Variants in SNX18 observed in about 807,000 individuals in gnomAD.
The protein encoded by SNX18 is sorting nexin 18, also known as sorting nexin-18.
In SNX18, 35 loss-of-function variants were observed where a neutral mutation model predicts 48.7. That is an observed-to-expected ratio of 0.72 (90% CI 0.55 to 0.95). SNX18 has a LOEUF of 0.95. Ranked by LOEUF, SNX18 falls within the 40% of genes least tolerant of loss-of-function variation. The probability of loss-of-function intolerance (pLI) is 0.00; values close to 1 mark genes in which losing one functional copy is unlikely to be tolerated. For synonymous variants in SNX18, 492 were observed against 384.7 expected, an observed-to-expected ratio of 1.28 and a Z score of -3.26; for missense variants, 824 against 871.0, an observed-to-expected ratio of 0.95 and a Z score of 0.68.
chr5:54,627,070 G>A, the SNX18 span, among the ~76,000 whole-genome samples: 1 of 152,324 alleles, frequency 6.6e-6, no homozygotes, highest in Non-Finnish European at 1.5e-5. Flanking sequence ...TTCTCATAGA[G>A]CAATGTCCAT....
chr5:54,522,361 T>C (rs1277863802), intron 1 of SNX18, among the ~76,000 whole-genome samples: 1 of 152,150 alleles, frequency 6.6e-6, no homozygotes, highest in East Asian at 1.9e-4. Flanking sequence ...TGAATATTGG[T>C]CAACAGAAAT....
chr5:54,588,306 C>CTTTTTTTTTTTT, the SNX18 span, among the ~76,000 whole-genome samples: 58 of 73,904 alleles, frequency 7.8e-4, 5 homozygotes, highest in East Asian at 2.0e-3. Flanking sequence ...TATTTCTATT[C>CTTTTTTTTTTTT]TTTTTTTTTT....
chr5:54,528,297 G>A (rs1193562791), intron 1 of SNX18, among the ~76,000 whole-genome samples: 1 of 152,190 alleles, frequency 6.6e-6, no homozygotes, highest in East Asian at 1.9e-4. Flanking sequence ...CTGAGCTCAT[G>A]TGTAGAGCAG....
chr5:54,532,108 A>T (rs2112848523), intron 1 of SNX18, among the ~76,000 whole-genome samples: 1 of 151,990 alleles, frequency 6.6e-6, no homozygotes, highest in Admixed American at 6.5e-5. Flanking sequence ...ATCTAGAGGG[A>T]CTTCTGTTTA....
At chr5:54,610,654 G>A in the SNX18 span, among the ~76,000 whole-genome samples, 1 of 152,194 alleles carries the variant, frequency 6.6e-6, no homozygotes, top group African/African-American at 2.4e-5. Context: ...TTATTTGTTG[G>A]AGTGTGTTAA....
At chr5:54,643,043 C>CT in the SNX18 span, among the ~76,000 whole-genome samples, 1 of 152,142 alleles carries the variant, frequency 6.6e-6, no homozygotes, top group Non-Finnish European at 1.5e-5. Flanking sequence ...CTGCCAGTCT[C>CT]ATGATCTCTA....
rs773786121 is a variant in SNX18 at position 54,518,600 on chromosome 5, G to A, written c.648G>A (p.Pro216=). 8 of 1,577,034 alleles carry A rather than the reference G, an allele frequency of 5.1e-6. No homozygotes were observed. In the South Asian group the frequency reaches 5.9e-5, roughly 12 times the overall value. Residue 216 remains proline, a synonymous_variant, in exon 1 of 2, where the codon CCG becomes CCA. Transcript: ENST00000381410. ...GCTCGGTCCCCCCGCAGCACCACCC[G>A]TCGGGGCCCAAGAGCTCGGCCACCG... is the stretch of plus-strand genomic sequence containing the variant. ...RGGSVPPQHH[P]SGPKSSATVS...
In SNX18 at chr5:54,518,581, T is replaced by TC. The variant is rs1425166868; in HGVS notation, c.635dup (p.Gln213AlafsTer139). The TC allele has an allele frequency of 1.9e-6, 3 of 1,579,610 alleles. No individual in the cohort carries two copies. The highest frequency in any genetic ancestry group is 1.7e-6 in the Non-Finnish European group (2 of 1,163,712). ...TCCCTGGGTTCCCGCGGCGGCTCGGTCCCCCCGCAGCACCACCCGTCGGGG... is the reference window on the plus strand; with the variant it reads ...TCCCTGGGTTCCCGCGGCGGCTCGGTCCCCCCCGCAGCACCACCCGTCGGGG... On this transcript the variant is annotated frameshift_variant, in exon 1 of 2. Transcript: ENST00000381410. LOFTEE classifies it high-confidence loss of function.
At chr5:54,635,091 A>G in the SNX18 span, among the ~76,000 whole-genome samples, 34 of 151,866 alleles carry the variant, frequency 2.2e-4, no homozygotes, top group African/African-American at 8.0e-4. Context: ...CTAAGAATAC[A>G]TATTTCAAAA....
chr5:54,579,847 A>G, the SNX18 span, among the ~76,000 whole-genome samples: 5 of 152,354 alleles, frequency 3.3e-5, no homozygotes, highest in South Asian at 2.1e-4. Flanking sequence ...CTCCTTCTCA[A>G]GTTCTCAAGA....
rs1290931800 is a variant in SNX18, at chr5:54,518,223, G to A, written c.271G>A (p.Val91Ile). The A allele has an allele frequency of 7.1e-7, 1 of 1,405,550 alleles. No homozygotes were observed. 87.1% of individuals were successfully genotyped at this position (1,405,550 alleles called of 1,614,324 possible). Residue 91 changes from valine to isoleucine, a missense_variant, in exon 1 of 2, where the codon GTC (valine) becomes ATC (isoleucine). This residue lies in a region of SNX18 where 377 missense variants were observed against 350.6 expected (regional missense o/e 1.08). Coordinates refer to ENST00000381410, the MANE Select transcript of SNX18 (RefSeq NM_001102575.2). ...CCCCGGGGGCTTCGAGCCCCTGCCT[G>A]TCGCGCCCCCCGCCTCCTTCAAGCC... ...VPPGGFEPLP[V>I]APPASFKPPP...
At chr5:54,607,589 C>T in the SNX18 span, among the ~76,000 whole-genome samples, 1 of 152,124 alleles carries the variant, frequency 6.6e-6, no homozygotes. Flanking sequence ...TTTAACCATT[C>T]ACCTGTTGAA....
At chr5:54,556,763 TG>T in the SNX18 span, among the ~76,000 whole-genome samples, 41 of 152,282 alleles carry the variant, frequency 2.7e-4, no homozygotes, top group Non-Finnish European at 5.4e-4. Flanking sequence ...CTTGCAGGAT[TG>T]GGGGGTATGC....
chr5:54,608,343 C>T, the SNX18 span, among the ~76,000 whole-genome samples: 1 of 151,878 alleles, frequency 6.6e-6, no homozygotes, highest in Non-Finnish European at 1.5e-5. Flanking sequence ...ATGTCTTTTG[C>T]CCATTTTCTA....
chr5:54,563,429 G>C, the SNX18 span, among the ~76,000 whole-genome samples: 19 of 152,118 alleles, frequency 1.2e-4, no homozygotes, highest in Non-Finnish European at 2.4e-4. Flanking sequence ...TTGTGTTACA[G>C]TTGCCTACAG....
the SNX18 span, among the ~76,000 whole-genome samples, chr5:54,619,149 C>G: frequency 2.0e-5 from 3 of 152,032 alleles, no homozygotes; most frequent in African/African-American, 4.8e-5. Flanking sequence ...GAAAGGAAGG[C>G]CCCCGCTCCA....
At chr5:54,560,990 T>TATA in the SNX18 span, among the ~76,000 whole-genome samples, 14 of 152,228 alleles carry the variant, frequency 9.2e-5, no homozygotes, top group Non-Finnish European at 2.9e-5. Flanking sequence ...TATAAATGTC[T>TATA]ATATTTACAT....
rs1172510265 is a variant in SNX18 at position 54,519,563 on chromosome 5, C to T, written c.1611C>T (p.His537=). The change falls in exon 1 of 2, where the codon CAC becomes CAT. Residue 537 remains histidine (H), a synonymous_variant. Coordinates refer to ENST00000381410, the MANE Select transcript of SNX18 (RefSeq NM_001102575.2). ...GHLANFPDII[H]VQKGALTKVK... ...TGGCTAACTTCCCGGACATCATCCA[C>T]GTTCAGAAAGGTAAAGCCTGGCCCT... 6.2e-7 allele frequency: 1 copy of T among 1,614,070 alleles called. No individual in the cohort carries two copies. The highest frequency in any genetic ancestry group is 8.5e-7 in the Non-Finnish European group (1 of 1,180,046).
the SNX18 span, among the ~76,000 whole-genome samples, chr5:54,640,712 G>C: frequency 6.6e-6 from 1 of 152,136 alleles, no homozygotes; most frequent in African/African-American, 2.4e-5. Context: ...CTCTTCAATA[G>C]AAGGGGATGG....
Sources: gnomAD v4.1 joint callset for allele counts (sites outside exome capture counted in the v4.1 genomes callset) on GRCh38, gnomAD v4.1.1 for gene constraint, gnomAD v4.1.1 regional missense constraint, MANE v1.5 for transcripts, NCBI Gene and HGNC (gene_info 2026-07-23, HGNC 2026-07-21) for gene names.